Variants in RASSF3 observed in about 807,000 individuals in gnomAD.
RASSF3 encodes Ras association domain family member 3, also known as ras association domain-containing protein 3.
Under a neutral mutation model 19.9 loss-of-function variants are expected in RASSF3, and 19 were observed. The observed-to-expected ratio is 0.96, with a 90% CI of 0.67 to 1.40. The LOEUF (loss-of-function observed/expected upper bound fraction) is 1.40, where lower values mean the gene tolerates loss of function less well. RASSF3 is among the 40% of genes most tolerant of loss of function. The pLI, the probability that RASSF3 is intolerant of heterozygous loss-of-function variation, is 0.00. For missense variants in RASSF3, 306 were observed against 289.8 expected (o/e 1.06, Z -0.41); for synonymous variants, 110 against 104.2 (o/e 1.06, Z -0.34).
intron 1 of RASSF3, among the ~76,000 whole-genome samples, chr12:64,516,584 A>C (rs1301433378): frequency 3.6e-4 from 52 of 146,152 alleles, no homozygotes; most frequent in Admixed American, 5.5e-4. Context: ...CCGCCACTGC[A>C]CTCCAGCCTG....
chr12:64,641,400 G>GCACACA (rs530475322), intron 1 of RASSF3, among the ~76,000 whole-genome samples: 1 of 106,814 alleles, frequency 9.4e-6, no homozygotes, highest in African/African-American at 3.0e-5. Flanking sequence ...TGTCTCACAG[G>GCACACA]CGCACACACA....
At chr12:64,598,620 C>G (rs1290072864) in intron 2 of RASSF3, among the ~76,000 whole-genome samples, 1 of 152,162 alleles carries the variant, frequency 6.6e-6, no homozygotes, top group Non-Finnish European at 1.5e-5. Flanking sequence ...ATTCTGAGGG[C>G]ACTGTTAGGT....
At chr12:64,604,541 C>T (rs897936212) in intron 2 of RASSF3, among the ~76,000 whole-genome samples, 1 of 152,176 alleles carries the variant, frequency 6.6e-6, no homozygotes, top group African/African-American at 2.4e-5. Flanking sequence ...GTGATAGTTG[C>T]AGCCAATAGG....
chr12:64,565,997 T>C (rs1419636872), intron 2 of RASSF3, among the ~76,000 whole-genome samples: 1 of 151,954 alleles, frequency 6.6e-6, no homozygotes, highest in Non-Finnish European at 1.5e-5. Flanking sequence ...GTTTGGGAGT[T>C]CGAGACCAGC....
intron 1 of RASSF3, among the ~76,000 whole-genome samples, chr12:64,615,540 T>C (rs1260097754): frequency 6.6e-6 from 1 of 152,252 alleles, no homozygotes; most frequent in Middle Eastern, 3.2e-3. Context: ...ATTATTTGGT[T>C]GTGTCTTATT....
downstream of RASSF3, among the ~76,000 whole-genome samples, chr12:64,543,434 C>CTCCCCGCCTG (rs1868981973): frequency 3.4e-5 from 2 of 59,592 alleles, no homozygotes; most frequent in South Asian, 7.6e-4. Flanking sequence ...TCCCCGCCCG[C>CTCCCCGCCTG]CCCCCCCGTG....
chr12:64,654,427 A>G (rs557516764), intron 1 of RASSF3: 2 of 152,232 alleles, frequency 1.3e-5, no homozygotes, highest in South Asian at 2.1e-4. Context: ...TGGCCTCCCA[A>G]AGTGCTAGGT....
chr12:64,675,877 A>C (rs1565868495), intron 1 of RASSF3, among the ~76,000 whole-genome samples: 1 of 152,086 alleles, frequency 6.6e-6, no homozygotes, highest in Non-Finnish European at 1.5e-5. Flanking sequence ...GAATCCTCAC[A>C]TAAACGGAAA....
intron 1 of RASSF3, among the ~76,000 whole-genome samples, chr12:64,643,538 A>AC (rs1263859996): frequency 6.6e-6 from 1 of 151,506 alleles, no homozygotes; most frequent in Non-Finnish European, 1.5e-5. Context: ...ACCTAGTGAG[A>AC]CCCCGTCTCT....
intron 1 of RASSF3, among the ~76,000 whole-genome samples, chr12:64,681,592 A>T (rs1242489584): frequency 6.6e-6 from 1 of 152,220 alleles, no homozygotes; most frequent in African/African-American, 2.4e-5. Flanking sequence ...TGCTTTGAAG[A>T]GTCTTTGGAC....
intron 2 of RASSF3, among the ~76,000 whole-genome samples, chr12:64,573,690 C>A (rs1042440752): frequency 6.6e-6 from 1 of 152,190 alleles, no homozygotes; most frequent in Non-Finnish European, 1.5e-5. Context: ...CTCTCCAAAG[C>A]AGCCTTCACA....
intron 1 of RASSF3, among the ~76,000 whole-genome samples, chr12:64,644,872 AT>A (rs1871676851): frequency 6.6e-6 from 1 of 152,136 alleles, no homozygotes; most frequent in South Asian, 2.1e-4. Flanking sequence ...GCCCTAACAC[AT>A]TTTTGTGTAG....
intron 1 of RASSF3, among the ~76,000 whole-genome samples, chr12:64,641,400 G>GCACACACACA (rs530475322): frequency 2.2e-4 from 23 of 106,928 alleles, no homozygotes; most frequent in African/African-American, 6.0e-4. Flanking sequence ...TGTCTCACAG[G>GCACACACACA]CGCACACACA....
chr12:64,641,574 A>G (rs1871531044), intron 1 of RASSF3, among the ~76,000 whole-genome samples: 1 of 149,300 alleles, frequency 6.7e-6, no homozygotes, highest in Admixed American at 6.7e-5. Context: ...GGCCAGGAGG[A>G]TTACTTGAGC....
intron 1 of RASSF3, among the ~76,000 whole-genome samples, chr12:64,508,490 C>G (rs1868305186): frequency 2.7e-5 from 4 of 150,908 alleles, no homozygotes; most frequent in Admixed American, 2.7e-4. Flanking sequence ...GTACTCCAGC[C>G]TGGGCAACAA....
chr12:64,653,110 C>T (rs1471830312), intron 1 of RASSF3, among the ~76,000 whole-genome samples: 3 of 152,256 alleles, frequency 2.0e-5, no homozygotes, highest in African/African-American at 7.2e-5. Flanking sequence ...ACTGTGTCAC[C>T]CAGGTTGGAG....
chr12:64,644,739 A>AT (rs66655870), intron 1 of RASSF3, among the ~76,000 whole-genome samples: 28,879 of 134,280 alleles, frequency 0.22, 3,140 homozygotes, highest in South Asian at 0.35. Context: ...ATGTATATGT[A>AT]TATGTGTGGT....
chr12:64,561,409 G>A (rs1164471452), intron 2 of RASSF3, among the ~76,000 whole-genome samples: 2 of 152,146 alleles, frequency 1.3e-5, no homozygotes. Flanking sequence ...GATATTCCAC[G>A]CATTGCCGCA....
chr12:64,636,114 C>T (rs933721818), intron 1 of RASSF3, among the ~76,000 whole-genome samples: 1 of 141,912 alleles, frequency 7.0e-6, no homozygotes, highest in African/African-American at 2.5e-5. Context: ...TTTATTATAA[C>T]TTACGGTTTT....
Sources: gnomAD v4.1 joint callset for allele counts (sites outside exome capture counted in the v4.1 genomes callset) on GRCh38, gnomAD v4.1.1 for gene constraint, MANE v1.5 for transcripts, NCBI Gene and HGNC (gene_info 2026-07-23, HGNC 2026-07-21) for gene names.